EGFR: variants seen among roughly 807,000 people sequenced by gnomAD.
EGFR encodes epidermal growth factor receptor.
Under a neutral mutation model 143.0 loss-of-function variants are expected in EGFR, and 58 were observed. That is an observed-to-expected ratio of 0.41 (90% CI 0.33 to 0.50). The LOEUF (loss-of-function observed/expected upper bound fraction) is 0.50, where lower values mean the gene tolerates loss of function less well. Ranked by LOEUF, EGFR falls within the 20% of genes least tolerant of loss-of-function variation. EGFR has a pLI of 0.39. For missense variants in EGFR, 1,307 were observed against 1,579.0 expected, an observed-to-expected ratio of 0.83 and a Z score of 2.92; for synonymous variants, 613 against 594.4, an observed-to-expected ratio of 1.03 and a Z score of -0.45.
At chr7:55,117,545 A>T (rs1043031996) in intron 1 of EGFR, among the ~76,000 whole-genome samples, 25 of 152,200 alleles carry the variant, frequency 1.6e-4, no homozygotes, top group Non-Finnish European at 8.8e-5. Context: ...CCCTGGAGGA[A>T]ACCACCTGGA....
At chr7:55,071,199 G>A (rs536794700) in intron 1 of EGFR, among the ~76,000 whole-genome samples, 1 of 152,320 alleles carries the variant, frequency 6.6e-6, no homozygotes, top group East Asian at 1.9e-4. Flanking sequence ...TTCAAGAGCT[G>A]GAAGGCTTCT....
chr7:55,195,848 A>G (rs1275360732), intron 22 of EGFR, among the ~76,000 whole-genome samples: 1 of 152,136 alleles, frequency 6.6e-6, no homozygotes, highest in Non-Finnish European at 1.5e-5. Context: ...AAAGTACATG[A>G]TCTCATTCTC....
intron 4 of EGFR, 66 bp from the exon 5 acceptor site, chr7:55,151,228 G>A (rs185868754): frequency 7.3e-6 from 11 of 1,503,382 alleles, no homozygotes; most frequent in South Asian, 3.4e-5. Context: ...ACTCAGGCCC[G>A]GGAAAGGGCG....
intron 1 of EGFR, among the ~76,000 whole-genome samples, chr7:55,063,611 G>T (rs1283583342): frequency 6.6e-6 from 1 of 152,196 alleles, no homozygotes; most frequent in Non-Finnish European, 1.5e-5. Flanking sequence ...TTTCTGAGAT[G>T]GGGCCATCTT....
At chr7:55,020,390 G>C (rs1257926603) in intron 1 of EGFR, among the ~76,000 whole-genome samples, 1 of 152,220 alleles carries the variant, frequency 6.6e-6, no homozygotes, top group East Asian at 1.9e-4. Flanking sequence ...GGGGGATCGC[G>C]GGACTCTTGA....
chr7:55,139,262 A>G (rs929873765), intron 1 of EGFR, among the ~76,000 whole-genome samples: 1 of 152,226 alleles, frequency 6.6e-6, no homozygotes, highest in Non-Finnish European at 1.5e-5. Flanking sequence ...CAAAAACCTT[A>G]TCTTAAATTA....
chr7:55,095,721 GACACAC>G (rs35578833), intron 1 of EGFR, among the ~76,000 whole-genome samples: 441 of 148,768 alleles, frequency 3.0e-3, no homozygotes, highest in African/African-American at 8.5e-3. Context: ...GATACACACA[GACACAC>G]ACACACACAC....
At chr7:55,070,969 T>A (rs983134039) in intron 1 of EGFR, among the ~76,000 whole-genome samples, 1 of 152,236 alleles carries the variant, frequency 6.6e-6, no homozygotes, top group Non-Finnish European at 1.5e-5. Context: ...AACATGGGTA[T>A]ACACATCCCA....
intron 1 of EGFR, among the ~76,000 whole-genome samples, chr7:55,096,812 C>T (rs940176111): frequency 1.3e-5 from 2 of 152,154 alleles, no homozygotes; most frequent in Non-Finnish European, 2.9e-5. Context: ...GCGGTTTGTG[C>T]CCTTGCTGGA....
chr7:55,142,198 C>G (rs2128925955), intron 1 of EGFR, 88 bp from the exon 2 acceptor site: 1 of 1,532,970 alleles, frequency 6.5e-7, no homozygotes, highest in East Asian at 2.3e-5. Flanking sequence ...AAACTGCTAC[C>G]CTTAATACCT....
intron 1 of EGFR, among the ~76,000 whole-genome samples, chr7:55,055,993 G>T (rs1287478371): frequency 6.6e-6 from 1 of 152,004 alleles, no homozygotes; most frequent in Non-Finnish European, 1.5e-5. Context: ...GGTCCATCTG[G>T]TTTCTTCCAG....
chr7:55,085,441 G>T (rs913627306), intron 1 of EGFR, among the ~76,000 whole-genome samples: 2 of 152,238 alleles, frequency 1.3e-5, no homozygotes, highest in Non-Finnish European at 2.9e-5. Context: ...GTGGGCGTCA[G>T]ACCCCAGGTC....
intron 13 of EGFR, among the ~76,000 whole-genome samples, chr7:55,162,794 T>A (rs983527000): frequency 6.6e-6 from 1 of 152,176 alleles, no homozygotes; most frequent in East Asian, 1.9e-4. Context: ...GGCACACACT[T>A]TTTTGTTGTT....
chr7:55,146,384 T>C (rs1794760797), intron 3 of EGFR, among the ~76,000 whole-genome samples: 1 of 152,160 alleles, frequency 6.6e-6, no homozygotes, highest in Admixed American at 6.5e-5. Flanking sequence ...TTTCTAATCA[T>C]TGCTCAAAGC....
chr7:55,200,590 A>T (rs2128970413), intron 24 of EGFR, 177 bp downstream of exon 24: 1 of 686,950 alleles, frequency 1.5e-6, no homozygotes, highest in Non-Finnish European at 2.6e-6. Context: ...ACTAAGCAGC[A>T]TCCGTGAGTG....
At chr7:55,117,762 T>TGCAGTCATGGTGAATGAC (rs1792958085) in intron 1 of EGFR, among the ~76,000 whole-genome samples, 1 of 152,238 alleles carries the variant, frequency 6.6e-6, no homozygotes, top group African/African-American at 2.4e-5. Flanking sequence ...TATGTGATTC[T>TGCAGTCATGGTGAATGAC]GCAGTCATGG....
At chr7:55,020,590 A>ACACACACT (rs1786501227) in intron 1 of EGFR, among the ~76,000 whole-genome samples, 1 of 151,820 alleles carries the variant, frequency 6.6e-6, no homozygotes, top group Non-Finnish European at 1.5e-5. Flanking sequence ...ACACACACAC[A>ACACACACT]CACCGGATTG....
intron 1 of EGFR, among the ~76,000 whole-genome samples, chr7:55,061,193 G>C (rs117223234): frequency 6.6e-6 from 1 of 152,182 alleles, no homozygotes; most frequent in African/African-American, 2.4e-5. Flanking sequence ...AGTAATAGAC[G>C]TGTAGGTCTC....
Position 55,095,960 on chromosome 7 carries a change from G to A in EGFR, c.89-46326G>A, listed in dbSNP as rs146630611. 3.3e-3 allele frequency among the ~76,000 whole-genome samples: 490 copies of A among 150,752 alleles called. 3 individuals carry two copies. Among genetic ancestry groups the A allele is most frequent in the Middle Eastern group, 0.01 (3 of 286 alleles). On this transcript the variant is annotated intron_variant, in intron 1 of 27. Transcript: ENST00000275493. Reference sequence around the variant, plus strand: ...AGAGACACAGATACAGACACAGACAGACATACACACAGACACGGGCACACA... The same window carrying A: ...AGAGACACAGATACAGACACAGACAAACATACACACAGACACGGGCACACA...
Sources: allele counts gnomAD v4.1 joint callset (sites outside exome capture counted in the v4.1 genomes callset), GRCh38; gene constraint gnomAD v4.1.1; transcripts MANE v1.5; gene names NCBI Gene and HGNC (gene_info 2026-07-23, HGNC 2026-07-21).